Variants in PLEKHA5 observed in about 807,000 individuals in gnomAD.
PLEKHA5 encodes pleckstrin homology domain containing A5, also known as pleckstrin homology domain-containing family A member 5.
A neutral mutation model predicts 181.9 loss-of-function variants in PLEKHA5; 55 were observed. The observed-to-expected ratio is 0.30, with a 90% CI of 0.24 to 0.38. The LOEUF is 0.38. Among genes scored for constraint, PLEKHA5 ranks in the 10% least tolerant of loss-of-function variants. PLEKHA5 has a pLI of 1.00. For synonymous variants in PLEKHA5, 535 were observed against 529.4 expected (o/e 1.01, Z -0.15); for missense variants, 1,432 against 1,549.5 (o/e 0.92, Z 1.27).
chr12:19,162,573 TA>T (rs34375689), intron 3 of PLEKHA5, among the ~76,000 whole-genome samples: 80,865 of 146,318 alleles, frequency 0.55, 25,401 homozygotes, highest in Non-Finnish European at 0.73. Flanking sequence ...AAGTTAGCTT[TA>T]AAAAAAAAAA....
Position 19,133,941 on chromosome 12 carries a change from A to G in PLEKHA5, c.227+1491A>G, listed in dbSNP as rs192502353. On this transcript the variant is annotated intron_variant, in intron 3 of 31. Coordinates refer to ENST00000429027, the MANE Select transcript of PLEKHA5 (RefSeq NM_001256470.2). ...TTTCTTGTCAAGCTAGTAGTATGGT[A>G]TATGTGAAGAAAAACAGTTTTTTCA... is the stretch of plus-strand genomic sequence containing the variant. 1.4e-3 allele frequency among the ~76,000 whole-genome samples: 208 copies of G among 152,182 alleles called. 1 individual carries two copies. Among genetic ancestry groups the G allele is most frequent in the Middle Eastern group, 3.4e-3 (1 of 294 alleles).
At chr12:19,347,476 C>G (rs1242024961) in intron 24 of PLEKHA5, among the ~76,000 whole-genome samples, 1 of 151,414 alleles carries the variant, frequency 6.6e-6, no homozygotes, top group Non-Finnish European at 1.5e-5. Context: ...TTAGATATAC[C>G]ATTTTAGGGT....
chr12:19,246,289 T>C (rs920856173), intron 3 of PLEKHA5, among the ~76,000 whole-genome samples: 21 of 151,698 alleles, frequency 1.4e-4, no homozygotes, highest in African/African-American at 5.1e-4. Context: ...GCTGCTTTGT[T>C]ATATATATGT....
At chr12:19,269,274 C>T (rs2071699100) in intron 8 of PLEKHA5, among the ~76,000 whole-genome samples, 1 of 151,626 alleles carries the variant, frequency 6.6e-6, no homozygotes, top group African/African-American at 2.4e-5. Context: ...GTAATCCCAG[C>T]TAATCGGGAT....
At chr12:19,335,377 A>G (rs1208710302) in intron 20 of PLEKHA5, among the ~76,000 whole-genome samples, 3 of 151,536 alleles carry the variant, frequency 2.0e-5, no homozygotes, top group Non-Finnish European at 4.4e-5. Flanking sequence ...GTTACAGAAT[A>G]TACAAAATAA....
intron 3 of PLEKHA5, among the ~76,000 whole-genome samples, chr12:19,140,672 C>G (rs900043013): frequency 1.1e-4 from 17 of 152,188 alleles, no homozygotes; most frequent in African/African-American, 3.9e-4. Flanking sequence ...GAAAAGCAAG[C>G]CTCTTTACCT....
intron 15 of PLEKHA5, chr12:19,307,030 G>A: frequency 6.7e-7 from 1 of 1,485,538 alleles, no homozygotes; most frequent in Non-Finnish European, 9.4e-7. Flanking sequence ...TCCTGCCCTT[G>A]CTGCGCTTGG....
At chr12:19,139,206 A>G (rs1047708451) in intron 3 of PLEKHA5, among the ~76,000 whole-genome samples, 1 of 152,206 alleles carries the variant, frequency 6.6e-6, no homozygotes, top group Non-Finnish European at 1.5e-5. Context: ...AGCTCCTCAA[A>G]GCCTTTGTGT....
At chr12:19,307,632 G>C in intron 15 of PLEKHA5, 1 of 325,806 alleles carries the variant, frequency 3.1e-6, no homozygotes, top group Non-Finnish European at 6.2e-6. Context: ...CAGATCAAGA[G>C]AGTGATTACA....
intron 21 of PLEKHA5, among the ~76,000 whole-genome samples, chr12:19,337,129 A>AGCT (rs2093493730): frequency 6.6e-6 from 1 of 151,760 alleles, no homozygotes; most frequent in Non-Finnish European, 1.5e-5. Context: ...CTGGGATCAC[A>AGCT]GGCATGCACC....
chr12:19,306,488 C>G (rs1269092210), intron 15 of PLEKHA5: 1 of 694,804 alleles, frequency 1.4e-6, no homozygotes, highest in Non-Finnish European at 2.7e-6. Context: ...CCTCTTCCCC[C>G]TCCTTGCTGT....
At chr12:19,356,931 T>C (rs1381310836) in intron 26 of PLEKHA5, among the ~76,000 whole-genome samples, 1 of 152,088 alleles carries the variant, frequency 6.6e-6, no homozygotes, top group East Asian at 1.9e-4. Flanking sequence ...AGTGTTGGGA[T>C]TACAGGTGTG....
At chr12:19,230,382 T>G (rs1353920964) in intron 3 of PLEKHA5, among the ~76,000 whole-genome samples, 2 of 152,122 alleles carry the variant, frequency 1.3e-5, no homozygotes, top group Non-Finnish European at 1.5e-5. Context: ...CCTTGGGTGG[T>G]TGATGGGACC....
intron 20 of PLEKHA5, among the ~76,000 whole-genome samples, chr12:19,331,247 G>A (rs2092800501): frequency 6.6e-6 from 1 of 152,176 alleles, no homozygotes; most frequent in Non-Finnish European, 1.5e-5. Flanking sequence ...TGTGTCTAGT[G>A]TATTGTGTAA....
intron 15 of PLEKHA5, chr12:19,306,560 A>G (rs1410688788): frequency 2.6e-6 from 2 of 765,620 alleles, no homozygotes; most frequent in African/African-American, 1.7e-5. Flanking sequence ...CAACACTACC[A>G]TCGTCCCCAG....
At chr12:19,151,074 C>G (rs1474229325) in intron 3 of PLEKHA5, 1 of 152,248 alleles carries the variant, frequency 6.6e-6, no homozygotes, top group African/African-American at 2.4e-5. Flanking sequence ...ATGGGTATGA[C>G]AAGGTTCTGG....
At chr12:19,202,599 G>A (rs2054433963) in intron 3 of PLEKHA5, among the ~76,000 whole-genome samples, 1 of 40,860 alleles carries the variant, frequency 2.4e-5, no homozygotes, top group African/African-American at 4.4e-5. Flanking sequence ...ACAACAGATT[G>A]CAGTGTTAAG....
At chr12:19,258,324 C>CT (rs2152569715) in intron 6 of PLEKHA5, among the ~76,000 whole-genome samples, 1 of 152,096 alleles carries the variant, frequency 6.6e-6, no homozygotes, top group African/African-American at 2.4e-5. Context: ...ATCTTCAAGG[C>CT]TTTTTTCTTT....
chr12:19,192,355 A>T (rs1246892492), intron 3 of PLEKHA5, among the ~76,000 whole-genome samples: 1 of 152,174 alleles, frequency 6.6e-6, no homozygotes, highest in Non-Finnish European at 1.5e-5. Flanking sequence ...TGGAATTATG[A>T]AAAATTAAAT....
Sources: gnomAD v4.1 joint callset for allele counts (sites outside exome capture counted in the v4.1 genomes callset) on GRCh38, gnomAD v4.1.1 for gene constraint, MANE v1.5 for transcripts, NCBI Gene and HGNC (gene_info 2026-07-23, HGNC 2026-07-21) for gene names.